NTRK1: variants seen among roughly 807,000 people sequenced by gnomAD.
NTRK1 encodes neurotrophic receptor tyrosine kinase 1.
NTRK1 carries 62 observed loss-of-function variants against 86.8 expected under a neutral mutation model. That is an observed-to-expected ratio of 0.71 (90% confidence interval 0.58 to 0.88). The LOEUF (loss-of-function observed/expected upper bound fraction) is 0.88, where lower values mean the gene tolerates loss of function less well. Among genes scored for constraint, NTRK1 ranks in the 40% least tolerant of loss-of-function variants. The pLI, the probability that NTRK1 is intolerant of heterozygous loss-of-function variation, is 0.00. For synonymous variants in NTRK1, 469 were observed against 456.6 expected (o/e 1.03, Z -0.35); for missense variants, 967 against 1,078.4 (o/e 0.90, Z 1.45).
chr1:156,853,798 G>A (rs141915005), intron 2 of NTRK1: 159 of 1,610,988 alleles, frequency 9.9e-5, no homozygotes, highest in East Asian at 6.3e-4. Flanking sequence ...CAGTGTGCCC[G>A]CTGAAGGTGG....
chr1:156,853,117 G>A (rs1425728974), intron 2 of NTRK1, among the ~76,000 whole-genome samples: 6 of 152,000 alleles, frequency 3.9e-5, no homozygotes, highest in Middle Eastern at 6.8e-3. Context: ...TCATCCTAAA[G>A]GTCCCACCTT....
intron 1 of NTRK1, chr1:156,841,004 G>A (rs747977097): frequency 2.4e-5 from 39 of 1,611,894 alleles, no homozygotes; most frequent in South Asian, 1.4e-4. Flanking sequence ...GAGAGGAGGC[G>A]GAAGGAGGGC....
intron 1 of NTRK1, 30 bp downstream of exon 1, chr1:156,861,176 C>A: frequency 1.3e-6 from 2 of 1,536,446 alleles, no homozygotes; most frequent in Non-Finnish European, 8.7e-7. Context: ...TGGGGGGGCG[C>A]GGGGACAGGC....
chr1:156,871,800 T>G (rs1647573921), intron 7 of NTRK1, 45 bp downstream of exon 7: 3 of 1,613,350 alleles, frequency 1.9e-6, no homozygotes, highest in Non-Finnish European at 1.7e-6. Context: ...TACTCATCTC[T>G]TCTTCCCTCA....
In NTRK1 at chr1:156,847,608, G is replaced by A. The variant is rs546160994; in HGVS notation, c.50+5415G>A. On this transcript the variant is annotated intron_variant, in intron 2 of 16. Coordinates refer to the NTRK1 transcript ENST00000392302. ...TTGGGTGGCAGTGGGGGAACTTGTG[G>A]CCCAGCGGGAAGTGCCTGCCTTTGT... 5.1e-4 allele frequency among the ~76,000 whole-genome samples: 78 copies of A among 152,214 alleles called. 1 individual carries two copies. The highest frequency in any genetic ancestry group is 2.7e-3 in the Admixed American group (42 of 15,284).
chr1:156,861,434 G>T (rs1655648675), intron 1 of NTRK1, among the ~76,000 whole-genome samples: 1 of 152,218 alleles, frequency 6.6e-6, no homozygotes, highest in African/African-American at 2.4e-5. Context: ...GAGCCTAGCC[G>T]TCTAGAAGGC....
At chr1:156,845,985 C>A in intron 2 of NTRK1, 1 of 1,613,530 alleles carries the variant, frequency 6.2e-7, no homozygotes, top group Non-Finnish European at 8.5e-7. Flanking sequence ...TAGAGGTCGC[C>A]GTCCTCTGCC....
chr1:156,858,799 G>C (rs1038392020), upstream of NTRK1: 3 of 610,960 alleles, frequency 4.9e-6, no homozygotes, highest in Non-Finnish European at 2.9e-6. Context: ...AGAAATGAGA[G>C]TCACAGAGAC....
At chr1:156,823,123 C>T (rs1437929762) in intron 1 of NTRK1, among the ~76,000 whole-genome samples, 3 of 152,170 alleles carry the variant, frequency 2.0e-5, no homozygotes, top group Non-Finnish European at 4.4e-5. Context: ...CCTGGAGGAT[C>T]CCAAGATGAT....
chr1:156,872,233 A>G (rs1232465911), intron 7 of NTRK1, among the ~76,000 whole-genome samples: 1 of 152,140 alleles, frequency 6.6e-6, no homozygotes, highest in African/African-American at 2.4e-5. Context: ...TGTGCAAAAA[A>G]TATATATATT....
chr1:156,858,680 C>T (rs774232860), upstream of NTRK1: 118 of 1,450,742 alleles, frequency 8.1e-5, no homozygotes, highest in Non-Finnish European at 1.1e-4. Flanking sequence ...CTGGGGAGAA[C>T]GGTGTGATAA....
intron 1 of NTRK1, among the ~76,000 whole-genome samples, chr1:156,822,564 A>AG (rs1313487138): frequency 1.3e-5 from 2 of 150,596 alleles, no homozygotes; most frequent in African/African-American, 4.9e-5. Flanking sequence ...CCCATCACTA[A>AG]GGAAAAAAAA....
chr1:156,845,974 G>T (rs575579682), intron 2 of NTRK1: 1 of 1,613,168 alleles, frequency 6.2e-7, no homozygotes, highest in East Asian at 2.2e-5. Flanking sequence ...AGTCATTGAG[G>T]TAGAGGTCGC....
chr1:156,876,646 C>T (rs1647938701), intron 14 of NTRK1, 74 bp downstream of exon 14: 3 of 1,519,352 alleles, frequency 2.0e-6, no homozygotes, highest in East Asian at 2.4e-5. Context: ...TATAGACATC[C>T]CTGCTTGTCT....
At chr1:156,858,655 C>G (rs774837872), upstream of NTRK1, 1 of 1,583,024 alleles carries the variant, frequency 6.3e-7, no homozygotes, top group African/African-American at 1.3e-5. Context: ...AGTCCCGGCT[C>G]TCCTCCCGGT....
At chr1:156,816,007 G>A (rs781385955) in intron 1 of NTRK1, 8 of 1,613,636 alleles carry the variant, frequency 5.0e-6, no homozygotes, top group Admixed American at 1.7e-5. Context: ...TCCACTCACC[G>A]CAGTGTAGCC....
chr1:156,844,755 G>A (rs1432728204), intron 2 of NTRK1: 22 of 1,614,180 alleles, frequency 1.4e-5, no homozygotes, highest in Non-Finnish European at 1.8e-5. Context: ...TGAGTCCGTT[G>A]GGGTCTGGTG....
intron 2 of NTRK1, chr1:156,843,245 T>TGG (rs1208894766): frequency 6.2e-7 from 1 of 1,612,652 alleles, no homozygotes; most frequent in South Asian, 1.1e-5. Context: ...TGCAAGGAGG[T>TGG]GGAGGGTCAC....
At position 156,817,047 on chromosome 1, in the gene NTRK1, TTCTCTCTC is replaced by T. The variant is rs3840456; in HGVS notation, c.-64+1230_-64+1237del. 1.8e-4 allele frequency among the ~76,000 whole-genome samples: 21 copies of T among 113,860 alleles called. 1 individual carries two copies. The South Asian group carries it at 6.0e-3, about 33-fold the overall frequency. The allele number at this position is 113,860 out of a possible 152,430, so 74.7% of individuals were successfully genotyped here. A position where few individuals can be genotyped will look rare whatever the true frequency, so the allele number is the denominator to read the frequency against. ...CCTCACCCCAAACTAGAACTTCCCT[TTCTCTCTC>T]TCTCTCTCTCTCTCTCTCTCATCTC... On this transcript the variant is annotated intron_variant, in intron 1 of 16. Transcript: ENST00000392302.
Sources: allele counts gnomAD v4.1 joint callset (sites outside exome capture counted in the v4.1 genomes callset), GRCh38; gene constraint gnomAD v4.1.1; transcripts MANE v1.5; gene names NCBI Gene and HGNC (gene_info 2026-07-23, HGNC 2026-07-21).